The following ADAMTS4 variants were observed in gnomAD, a reference collection of about 807,000 sequenced individuals.
ADAMTS4 encodes the protein ADAM metallopeptidase with thrombospondin type 1 motif 4.
In ADAMTS4, 38 loss-of-function variants were observed where a neutral mutation model predicts 66.7. The ratio of observed to expected loss-of-function variants is 0.57; its 90% CI spans 0.44 to 0.75. ADAMTS4 has a LOEUF of 0.75. Ranked by LOEUF, ADAMTS4 falls within the 30% of genes least tolerant of loss-of-function variation. ADAMTS4 has a pLI of 0.00. For synonymous variants in ADAMTS4, 418 were observed against 461.5 expected (o/e 0.91, Z 1.21); for missense variants, 1,014 against 1,116.7 (o/e 0.91, Z 1.31).
Position 161,192,105 on chromosome 1 carries a change from A to T in ADAMTS4, c.2047T>A (p.Ser683Thr). Residue 683 changes from serine (S) to threonine (T), a missense_variant, in exon 8 of 9, where the codon TCT becomes ACT. By Grantham distance (58) the Ser-to-Thr change is moderately conservative. Transcript: ENST00000367996. Reference sequence around the variant, plus strand: ...GAGCCTGACTGCTTGCTGCAACCAGAACCGTCCCCTCCGCACACCATGCAC... The same window carrying T: ...GAGCCTGACTGCTTGCTGCAACCAGTACCGTCCCCTCCGCACACCATGCAC... Reference protein sequence around the residue: ...DKCMVCGGDGSGCSKQSGSFR... With the variant: ...DKCMVCGGDGTGCSKQSGSFR... 1 of 1,614,094 alleles carries T rather than the reference A, an allele frequency of 6.2e-7. No individual in the cohort carries two copies. Among genetic ancestry groups the T allele is most frequent in the Admixed American group, 1.7e-5 (1 of 60,012 alleles).
chr1:161,198,813 A>T lies in ADAMTS4; in HGVS notation c.-186T>A. ...AGAAAACTTAGTCCTTGGGCTTGGG[A>T]GAGGTGCCCAGGGGTCTGGCTTCTC... On this transcript the variant is annotated 5_prime_UTR_variant, in exon 1 of 9. Transcript: ENST00000367996. The surrounding 1 kb of genome is among the most constrained non-coding windows in gnomAD (Gnocchi z 4.7). 3.6e-6 allele frequency: 2 copies of T among 562,626 alleles called. No individual in the cohort carries two copies. 34.9% of individuals were successfully genotyped at this position (562,626 alleles called of 1,614,324 possible). A position where few individuals can be genotyped will look rare whatever the true frequency, so the allele number is the denominator to read the frequency against.
rs769245494 is a variant in ADAMTS4, at chr1:161,191,228, T to C, written c.2424A>G (p.Ser808=). ...YSFFVPRPTP[S]TPRPTPQDWL... ...AGTCCTGGGGAGTGGGGCGTGGCGTTGAAGGGGTCGGCCGGGGCACGAAGA... is the reference window on the plus strand; with the variant it reads ...AGTCCTGGGGAGTGGGGCGTGGCGTCGAAGGGGTCGGCCGGGGCACGAAGA... The change falls in exon 9 of 9, where the codon TCA becomes TCG. Residue 808 remains serine (S), a synonymous_variant. Transcript: ENST00000367996. 2 of 1,612,904 alleles carry C rather than the reference T, an allele frequency of 1.2e-6. No homozygotes were observed. Among genetic ancestry groups the C allele is most frequent in the South Asian group, 1.1e-5 (1 of 91,050 alleles).
Position 161,193,255 on chromosome 1 carries a change from G to C in ADAMTS4, c.1869C>G (p.Cys623Trp). 6.2e-7 allele frequency: 1 copy of C among 1,613,992 alleles called. No homozygotes were observed. The highest frequency in any genetic ancestry group is 1.1e-5 in the South Asian group (1 of 91,080). ...VAPQDQCKLT[C>W]QAQALGYYYV... ...AGTAGTAGCCCAGTGCCTGGGCCTGGCAGGTGAGTTTGCACTGGTCCTGGG... is the reference window on the plus strand; with the variant it reads ...AGTAGTAGCCCAGTGCCTGGGCCTGCCAGGTGAGTTTGCACTGGTCCTGGG... Residue 623 changes from cysteine (C) to tryptophan (W), a missense_variant, in exon 7 of 9, where the codon TGC becomes TGG. Transcript: ENST00000367996. The surrounding 1 kb of genome is among the most constrained non-coding windows in gnomAD (Gnocchi z 4.4).
At position 161,188,910 on chromosome 1, in the gene ADAMTS4, T is replaced by TATATATATATATATATATATATATATATA. The variant is rs1558071757; in HGVS notation, c.*2227_*2228insTATATATATATATATATATATATATATAT. The TATATATATATATATATATATATATATATA allele has an allele frequency of 1.8e-5, 1 of 54,868 alleles. No homozygotes were observed. The highest frequency in any genetic ancestry group is 6.9e-4 in the South Asian group (1 of 1,454). The allele number at this position is 54,868 out of a possible 1,614,324, so 3.4% of individuals were successfully genotyped here. On this transcript the variant is annotated 3_prime_UTR_variant, in exon 9 of 9. Transcript: ENST00000367996. ...TATATATATATATATATATATATAT[T>TATATATATATATATATATATATATATATA]TTGTATTTTTAGTAGACACGGGGTT... is the stretch of plus-strand genomic sequence containing the variant.
Position 161,192,160 on chromosome 1 carries a change from G to A in ADAMTS4, c.1992C>T (p.Arg664=), listed in dbSNP as rs746584852. 3.7e-6 allele frequency: 6 copies of A among 1,614,132 alleles called. No individual in the cohort carries two copies. The East Asian group carries it at 1.1e-4, about 30-fold the overall frequency. Residue 664 remains arginine (R), a synonymous_variant, in exon 8 of 9, where the codon CGC becomes CGT. Transcript: ENST00000367996. ...QGRCIHAGCD[R]IIGSKKKFDK... is the part of the protein sequence containing the mutation. ...CAAACTTCTTCTTGGAGCCAATGAT[G>A]CGATCACAGCCAGCATGGATGCATC...
At chr1:161,191,687 G>T in intron 8 of ADAMTS4, 123 bp from the exon 9 acceptor site, 2 of 1,037,630 alleles carry the variant, frequency 1.9e-6, no homozygotes, top group Non-Finnish European at 2.8e-6. Context: ...TCCTATGTGA[G>T]CTGTTCGGTC....
rs1239595772 is a variant in ADAMTS4, at chr1:161,192,201, C to T, written c.1951G>A (p.Val651Ile). Residue 651 changes from valine (V) to isoleucine (I), a missense_variant, in exon 8 of 9, where the codon GTC (valine) becomes ATC (isoleucine). Val to Ile is a conservative substitution (Grantham distance 29). Transcript: ENST00000367996. The part of the protein sequence containing the change: ...GTPCSPDSSS[V>I]CVQGRCIHAG... ...TGGATGCATCGGCCCTGGACACAGA[C>T]CGAGGAGCTGTCCGGGGAACAGGGG... 7.4e-6 allele frequency: 12 copies of T among 1,613,898 alleles called. No homozygotes were observed. Among genetic ancestry groups the T allele is most frequent in the African/African-American group, 4.0e-5 (3 of 74,876 alleles).
rs200203360 is a variant in ADAMTS4 at position 161,191,485 on chromosome 1, G to A, written c.2167C>T (p.Arg723Trp). Reference sequence around the variant, plus strand: ...AGCTTCAGGGCCAAGTAGATGCTCCGGTGGCCAGGGTTTCCCTGCTGCCGG... The same window carrying A: ...AGCTTCAGGGCCAAGTAGATGCTCCAGTGGCCAGGGTTTCCCTGCTGCCGG... ...LVRQQGNPGHRSIYLALKLPD... is the reference protein window; with the variant it reads ...LVRQQGNPGHWSIYLALKLPD... Residue 723 changes from arginine to tryptophan, a missense_variant, in exon 9 of 9, where the codon CGG becomes TGG. Arg to Trp is a moderately radical substitution (Grantham distance 101, BLOSUM62 -3). Transcript: ENST00000367996. 2.3e-5 allele frequency: 37 copies of A among 1,614,118 alleles called. No homozygotes were observed. The East Asian group carries it at 5.1e-4, about 22-fold the overall frequency.
rs1664762785 is a variant in ADAMTS4 at position 161,194,352 on chromosome 1, A to T, written c.1262-131T>A. The T allele has an allele frequency of 4.0e-6, 3 of 748,242 alleles. No individual in the cohort carries two copies. The East Asian group carries it at 8.8e-5, about 22-fold the overall frequency. The allele number at this position is 748,242 out of a possible 1,614,324, so 46.4% of individuals were successfully genotyped here. ...CAATCCTAGGACTATAAGAGGATTT[A>T]AATTTTTGTTATTTATAATTTTTAT... is the stretch of plus-strand genomic sequence containing the variant. On this transcript the variant is annotated intron_variant, in intron 4 of 8. Coordinates refer to ENST00000367996, the MANE Select transcript of ADAMTS4 (RefSeq NM_005099.6). This position sits in a 1 kb window ranked among gnomAD's most constrained non-coding sequence, Gnocchi z 4.1.
chr1:161,195,432 C>G, intron 4 of ADAMTS4, 33 bp downstream of exon 4: 1 of 1,568,662 alleles, frequency 6.4e-7, no homozygotes, highest in African/African-American at 1.4e-5. Context: ...GAATTGAGTG[C>G]TACCCAGGGA....
At chr1:161,196,425 A>C in intron 2 of ADAMTS4, 122 bp from the exon 3 acceptor site, 1 of 1,508,328 alleles carries the variant, frequency 6.6e-7, no homozygotes. Context: ...CTAGGTAGCC[A>C]CACATGGCAG....
chr1:161,191,288 AGC>A lies in ADAMTS4; in HGVS notation c.2362_2363del (p.Ala788TrpfsTer113). 6.2e-7 allele frequency: 1 copy of A among 1,613,950 alleles called. No individual in the cohort carries two copies. The highest frequency in any genetic ancestry group is 8.5e-7 in the Non-Finnish European group (1 of 1,180,032). ...AQPLTLQVLV[A>X]GNPQDTRLRY... The stretch of plus-strand genomic sequence containing the variant: ...GGAGGCGTGTGTCCTGGGGGTTGCC[AGC>A]CACTAGGACTTGCAGTGTCAAAGGC... On this transcript the variant is annotated frameshift_variant, in exon 9 of 9. Transcript: ENST00000367996. LOFTEE classifies it high-confidence loss of function.
Position 161,191,258 on chromosome 1 carries a change from G to GT in ADAMTS4, c.2393dup (p.Tyr798Ter), listed in dbSNP as rs1664671179. The GT allele has an allele frequency of 6.2e-7, 1 of 1,613,764 alleles. No homozygotes were observed. The highest frequency in any genetic ancestry group is 1.1e-5 in the South Asian group (1 of 91,096). The change falls in exon 9 of 9, where the codon TAC becomes TAAC. Residue 798 changes from tyrosine (Y) to a stop codon, truncating the protein, a stop_gained and frameshift_variant. Coordinates refer to ENST00000367996, the MANE Select transcript of ADAMTS4 (RefSeq NM_005099.6). LOFTEE classifies it high-confidence loss of function. ...GGGTCGGCCGGGGCACGAAGAAGCTGTATCGGAGGCGTGTGTCCTGGGGGT... is the reference window on the plus strand; with the variant it reads ...GGGTCGGCCGGGGCACGAAGAAGCTGTTATCGGAGGCGTGTGTCCTGGGGGT... ...AGNPQDTRLR[Y>*]SFFVPRPTPS...
In ADAMTS4 at chr1:161,185,121, C is replaced by A. The variant is rs1235531303; in HGVS notation, c.*6017G>T. 1 of 151,520 alleles carries A rather than the reference C, an allele frequency of 6.6e-6. No individual in the cohort carries two copies. Among genetic ancestry groups the A allele is most frequent in the Non-Finnish European group, 1.5e-5 (1 of 67,896 alleles). 9.4% of individuals were successfully genotyped at this position (151,520 alleles called of 1,614,324 possible). Reference sequence around the variant, plus strand: ...ATGATGAGTTAATGGGTGCAGCACACCAGCATGGCACATGTATACATATGT... The same window carrying A: ...ATGATGAGTTAATGGGTGCAGCACAACAGCATGGCACATGTATACATATGT... On this transcript the variant is annotated 3_prime_UTR_variant, in exon 9 of 9. Transcript: ENST00000367996.
chr1:161,197,525 A>G (rs1033829284), intron 1 of ADAMTS4: 1 of 162,024 alleles, frequency 6.2e-6, no homozygotes, highest in Non-Finnish European at 1.3e-5. Flanking sequence ...CTCCTGCCCT[A>G]GTTTGCAGTT....
rs764543601 is a variant in ADAMTS4, at chr1:161,198,042, C to CGTT, written c.583_585dup (p.Asn195dup). 3 of 1,596,710 alleles carry CGTT rather than the reference C, an allele frequency of 1.9e-6. No individual in the cohort carries two copies. The highest frequency in any genetic ancestry group is 2.6e-6 in the Non-Finnish European group (3 of 1,169,112). ...CTGGGGCTTCCAAGAGGAGCCTTGA[C>CGTT]GTTGCACATGGGACCTTGACCGCTG... is the stretch of plus-strand genomic sequence containing the variant. On this transcript the variant is annotated inframe_insertion, in exon 1 of 9. Transcript: ENST00000367996. The surrounding 1 kb of genome is among the most constrained non-coding windows in gnomAD (Gnocchi z 4.7).
chr1:161,190,677 CACACACACGCAT>C lies in ADAMTS4; in HGVS notation c.*449_*460del, dbSNP rs751425341. On this transcript the variant is annotated 3_prime_UTR_variant, in exon 9 of 9. Coordinates refer to ENST00000367996, the MANE Select transcript of ADAMTS4 (RefSeq NM_005099.6). ...ATAAGCACACACACATTTTCACACA[CACACACACGCAT>C]ACACACACCACTTATACCTATCACC... 1.7e-3 allele frequency: 268 copies of C among 156,504 alleles called. No homozygotes were observed. Among genetic ancestry groups the C allele is most frequent in the Non-Finnish European group, 3.1e-3 (220 of 70,962 alleles). 9.7% of individuals were successfully genotyped at this position (156,504 alleles called of 1,614,324 possible).
Position 161,194,102 on chromosome 1 carries a change from G to A in ADAMTS4, c.1381C>T (p.Pro461Ser), listed in dbSNP as rs1405372539. The change falls in exon 5 of 9, where the codon CCA becomes TCA. Residue 461 changes from proline to serine, a missense_variant. Pro to Ser is a moderately conservative substitution (Grantham distance 74, BLOSUM62 -1). Transcript: ENST00000367996. This position sits in a 1 kb window ranked among gnomAD's most constrained non-coding sequence, Gnocchi z 4.1. ...LTFGPDSRHC[P>S]QLPPPCAALW... ...GCAGCACAGGGCGGCGGCAGCTGTG[G>A]ACAATGGCGTGAGTCGGGCCCGAAG... 2 of 1,614,150 alleles carry A rather than the reference G, an allele frequency of 1.2e-6. No homozygotes were observed. Among genetic ancestry groups the A allele is most frequent in the Non-Finnish European group, 1.7e-6 (2 of 1,180,048 alleles).
intron 2 of ADAMTS4, 81 bp from the exon 3 acceptor site, chr1:161,196,384 C>T: frequency 1.3e-6 from 2 of 1,540,562 alleles, no homozygotes; most frequent in Non-Finnish European, 1.8e-6. Flanking sequence ...TCCCGGGGAC[C>T]TGGGCACTGA....
Sources: allele counts gnomAD v4.1 joint callset, GRCh38; gene constraint gnomAD v4.1.1; non-coding constraint Gnocchi (gnomAD v3.1); transcripts MANE v1.5; gene names NCBI Gene and HGNC (gene_info 2026-07-23, HGNC 2026-07-21).